Variants in CTNNA2 observed in about 807,000 individuals in gnomAD.
The protein encoded by CTNNA2 is catenin alpha 2, also known as catenin alpha-2.
Under a neutral mutation model 101.0 loss-of-function variants are expected in CTNNA2, and 42 were observed. The observed-to-expected ratio is 0.42, with a 90% CI of 0.32 to 0.54. The LOEUF is 0.54. Ranked by LOEUF, CTNNA2 falls within the 20% of genes least tolerant of loss-of-function variation. The pLI, the probability that CTNNA2 is intolerant of heterozygous loss-of-function variation, is 0.14. For synonymous variants in CTNNA2, 450 were observed against 456.4 expected, an observed-to-expected ratio of 0.99 and a Z score of 0.18; for missense variants, 871 against 1,223.1, an observed-to-expected ratio of 0.71 and a Z score of 4.29.
chr2:80,596,279 G>GTTTTTTTTGTTTTTTTT (rs1696952616), intron 15 of CTNNA2, among the ~76,000 whole-genome samples: 1 of 35,286 alleles, frequency 2.8e-5, no homozygotes, highest in Non-Finnish European at 5.4e-5. Context: ...AGACAAGGTT[G>GTTTTTTTTGTTTTTTTT]TTTTTTTTTT....
chr2:79,779,533 T>G (rs79023516), intron 3 of CTNNA2, among the ~76,000 whole-genome samples: 1 of 152,196 alleles, frequency 6.6e-6, no homozygotes, highest in African/African-American at 2.4e-5. Flanking sequence ...CTGACCTCTG[T>G]GCTTTTTACT....
intron 7 of CTNNA2, among the ~76,000 whole-genome samples, chr2:80,367,115 T>G (rs116168989): frequency 0.042 from 6,388 of 152,074 alleles, 457 homozygotes; most frequent in African/African-American, 0.14. Context: ...GGAGGCAGGT[T>G]TGCTCTAAGC....
intron 8 of CTNNA2, among the ~76,000 whole-genome samples, chr2:80,395,631 A>G (rs1325662969): frequency 6.6e-6 from 1 of 152,198 alleles, no homozygotes; most frequent in African/African-American, 2.4e-5. Flanking sequence ...GTAACTAGTA[A>G]TTAGATTAAC....
At chr2:79,769,107 G>A (rs140920653) in intron 3 of CTNNA2, among the ~76,000 whole-genome samples, 1,830 of 152,122 alleles carry the variant, frequency 0.012, 40 homozygotes, top group African/African-American at 0.042. Context: ...CGCCCGGCTC[G>A]GCCTCCCAAA....
At chr2:79,782,399 G>T (rs1244601396) in intron 3 of CTNNA2, among the ~76,000 whole-genome samples, 1 of 151,978 alleles carries the variant, frequency 6.6e-6, no homozygotes, top group Non-Finnish European at 1.5e-5. Context: ...ACCATGCCCA[G>T]GTAATTTTTA....
chr2:79,811,172 C>T (rs1485109464), intron 3 of CTNNA2, among the ~76,000 whole-genome samples: 1 of 152,052 alleles, frequency 6.6e-6, no homozygotes, highest in Non-Finnish European at 1.5e-5. Flanking sequence ...TATTTCTGCA[C>T]AACCTCTCCA....
chr2:80,314,509 AGGG>A (rs1677913775), intron 7 of CTNNA2, among the ~76,000 whole-genome samples: 1 of 152,176 alleles, frequency 6.6e-6, no homozygotes, highest in African/African-American at 2.4e-5. Flanking sequence ...TTTAACATAT[AGGG>A]ATGGCCATGG....
intron 2 of CTNNA2, among the ~76,000 whole-genome samples, chr2:79,700,956 T>G (rs1216834253): frequency 6.6e-6 from 1 of 152,192 alleles, no homozygotes; most frequent in Non-Finnish European, 1.5e-5. Context: ...TCTCTATTTT[T>G]TGTTCCATTT....
chr2:80,109,549 C>G (rs959837911), intron 7 of CTNNA2, among the ~76,000 whole-genome samples: 10 of 152,140 alleles, frequency 6.6e-5, no homozygotes, highest in Admixed American at 6.5e-4. Flanking sequence ...GTCTCCAGAC[C>G]AGCACTACAT....
chr2:79,762,443 A>G (rs528048915), intron 3 of CTNNA2, among the ~76,000 whole-genome samples: 1 of 152,308 alleles, frequency 6.6e-6, no homozygotes, highest in South Asian at 2.1e-4. Context: ...GAAACAGATC[A>G]TGACATTGCG....
intron 7 of CTNNA2, among the ~76,000 whole-genome samples, chr2:80,255,904 C>T (rs1230204040): frequency 1.3e-5 from 2 of 152,152 alleles, no homozygotes; most frequent in Non-Finnish European, 2.9e-5. Flanking sequence ...AGGACTGCAC[C>T]TTCCTGCCAC....
chr2:79,335,095 C>G (rs1454871414), intron 3 of CTNNA2, among the ~76,000 whole-genome samples: 2 of 152,158 alleles, frequency 1.3e-5, no homozygotes, highest in African/African-American at 4.8e-5. Flanking sequence ...ACTCTAATCC[C>G]AGAAGTTAGG....
At chr2:80,026,607 CACTTT>C (rs1174370768) in intron 7 of CTNNA2, among the ~76,000 whole-genome samples, 1 of 152,084 alleles carries the variant, frequency 6.6e-6, no homozygotes, top group East Asian at 1.9e-4. Context: ...AGGTGGACAC[CACTTT>C]ACTTAGCAAC....
intron 17 of CTNNA2, among the ~76,000 whole-genome samples, chr2:80,617,411 G>A (rs971960530): frequency 3.3e-5 from 5 of 151,608 alleles, no homozygotes; most frequent in Non-Finnish European, 7.4e-5. Context: ...AAAAAAAGCT[G>A]TTGAATATAT....
intron 12 of CTNNA2, among the ~76,000 whole-genome samples, chr2:80,560,855 T>C (rs1693522389): frequency 6.6e-6 from 1 of 152,186 alleles, no homozygotes; most frequent in African/African-American, 2.4e-5. Flanking sequence ...TTTCTATAGG[T>C]ACCCACAGCC....
intron 7 of CTNNA2, among the ~76,000 whole-genome samples, chr2:80,093,563 C>G (rs1699931241): frequency 1.3e-5 from 2 of 152,114 alleles, no homozygotes; most frequent in South Asian, 4.1e-4. Context: ...AGTTCTAGAT[C>G]CCTGAGGAAT....
At chr2:80,124,943 A>T (rs1205817510) in intron 7 of CTNNA2, among the ~76,000 whole-genome samples, 1 of 152,182 alleles carries the variant, frequency 6.6e-6, no homozygotes, top group Non-Finnish European at 1.5e-5. Context: ...AGAGTGGAGC[A>T]GGGGCCAAGG....
intron 1 of CTNNA2, among the ~76,000 whole-genome samples, chr2:79,597,762 T>C (rs1331542355): frequency 6.6e-6 from 1 of 152,176 alleles, no homozygotes. Context: ...TTTGTTACAA[T>C]TGAAGAACCT....
At chr2:79,742,951 T>C (rs1671393815) in intron 2 of CTNNA2, among the ~76,000 whole-genome samples, 1 of 152,210 alleles carries the variant, frequency 6.6e-6, no homozygotes, top group Non-Finnish European at 1.5e-5. Flanking sequence ...CCTTTTTTTC[T>C]TTCAGTGTTA....
Sources: gnomAD v4.1 joint callset for allele counts (sites outside exome capture counted in the v4.1 genomes callset) on GRCh38, gnomAD v4.1.1 for gene constraint, MANE v1.5 for transcripts, NCBI Gene and HGNC (gene_info 2026-07-23, HGNC 2026-07-21) for gene names.